Variants in BSG observed in about 807,000 individuals in gnomAD.
BSG encodes basigin (Ok blood group).
A neutral mutation model predicts 43.1 loss-of-function variants in BSG; 37 were observed. The observed-to-expected ratio is 0.86, with a 90% confidence interval of 0.66 to 1.13. The LOEUF is 1.13. BSG is among the 50% of genes most tolerant of loss of function. The pLI is 0.00. For synonymous variants in BSG, 309 were observed against 238.7 expected (o/e 1.29, Z -2.72); for missense variants, 599 against 554.2 (o/e 1.08, Z -0.81).
Position 577,395 on chromosome 19 carries a change from G to A in BSG, c.68-379G>A, listed in dbSNP as rs528163900. Among the ~76,000 whole-genome samples, 105 of 152,284 alleles carry A rather than the reference G, an allele frequency of 6.9e-4. 1 individual carries two copies. Among genetic ancestry groups the A allele is most frequent in the African/African-American group, 2.4e-3 (98 of 41,554 alleles). ...GTTTGTTTTTCTCAGCAGCTCACCC[G>A]GGTCTCTGGGGTCAGGGTATCGGGC... On this transcript the variant is annotated intron_variant, in intron 1 of 8. Transcript: ENST00000333511.
At chr19:577,675 C>T (rs752981658) in intron 1 of BSG, 99 bp from the exon 2 acceptor site, 40 of 1,046,928 alleles carry the variant, frequency 3.8e-5, no homozygotes, top group Non-Finnish European at 5.0e-5. Context: ...GCTTCTCCAC[C>T]AGCCCTGGCT....
chr19:574,563 A>C (rs1280382616), intron 1 of BSG, among the ~76,000 whole-genome samples: 1 of 148,610 alleles, frequency 6.7e-6, no homozygotes, highest in African/African-American at 2.5e-5. Context: ...AAAAAAAAAC[A>C]AAAAAAAAAT....
At chr19:580,601 G>A in intron 4 of BSG, 45 bp from the exon 5 acceptor site, 2 of 1,611,210 alleles carry the variant, frequency 1.2e-6, no homozygotes, top group Non-Finnish European at 1.7e-6. Flanking sequence ...CGGGGATGGG[G>A]GCGGGCCTGC....
At position 581,404 on chromosome 19, in the gene BSG, C is replaced by G. The variant is rs13235; in HGVS notation, c.882C>G (p.Ala294=). 3.1e-6 allele frequency: 5 copies of G among 1,612,678 alleles called. No individual in the cohort carries two copies. The East Asian group carries it at 8.9e-5, about 29-fold the overall frequency. The change falls in exon 6 of 9, where the codon GCC becomes GCG. Residue 294 remains alanine, a synonymous_variant. Coordinates refer to ENST00000333511, the MANE Select transcript of BSG (RefSeq NM_001728.4). ...ELHIENLNME[A]DPGQYRCNGT... ...ACATTGAGAACCTGAACATGGAGGC[C>G]GACCCCGGCCAGTACCGGTGCAACG...
chr19:578,340 C>G, intron 2 of BSG: 1 of 457,366 alleles, frequency 2.2e-6, no homozygotes, highest in Non-Finnish European at 3.8e-6. Context: ...AGGCAGGGCT[C>G]TGCCCTCCAG....
chr19:576,667 A>T (rs1981795825), intron 1 of BSG, among the ~76,000 whole-genome samples: 1 of 151,990 alleles, frequency 6.6e-6, no homozygotes, highest in Admixed American at 6.6e-5. Flanking sequence ...AGGCTGAGGC[A>T]GGAGAATTGC....
chr19:572,549 G>A (rs923523257), upstream of BSG: 158 of 1,357,368 alleles, frequency 1.2e-4, 1 homozygote, highest in Middle Eastern at 1.0e-3. Context: ...GCGCGCGCCC[G>A]GTCCGCGCCT....
Position 572,622 on chromosome 19 carries a change from A to G in BSG, c.-13A>G, listed in dbSNP as rs1027191062. Reference sequence around the variant, plus strand: ...GCGGTTGGAGGTTGTAGGACCGGCGAGGAATAGGAATCATGGCGGCTGCGC... The same window carrying G: ...GCGGTTGGAGGTTGTAGGACCGGCGGGGAATAGGAATCATGGCGGCTGCGC... On this transcript the variant is annotated 5_prime_UTR_variant, in exon 1 of 9. Transcript: ENST00000333511. The G allele has an allele frequency of 6.7e-6, 10 of 1,493,558 alleles. No homozygotes were observed. Among genetic ancestry groups the G allele is most frequent in the East Asian group, 2.9e-5 (1 of 34,822 alleles). 92.5% of individuals were successfully genotyped at this position (1,493,558 alleles called of 1,614,324 possible).
At chr19:575,718 T>G (rs1202871426) in intron 1 of BSG, among the ~76,000 whole-genome samples, 3 of 152,062 alleles carry the variant, frequency 2.0e-5, no homozygotes, top group African/African-American at 7.3e-5. Flanking sequence ...GCGGAGGCTG[T>G]TTTTAGATGA....
chr19:582,845 C>G lies in BSG; in HGVS notation c.*101C>G, dbSNP rs750682807. ...CCAAGTTCTCACCTCTTAAAGAAAACCCACCCCGTAGATTCCCATCATACA... is the reference window on the plus strand; with the variant it reads ...CCAAGTTCTCACCTCTTAAAGAAAAGCCACCCCGTAGATTCCCATCATACA... On this transcript the variant is annotated 3_prime_UTR_variant, in exon 9 of 9. Transcript: ENST00000333511. The G allele has an allele frequency of 9.2e-6, 5 of 546,364 alleles. No homozygotes were observed. The highest frequency in any genetic ancestry group is 4.9e-5 in the South Asian group (2 of 41,122). 33.8% of individuals were successfully genotyped at this position (546,364 alleles called of 1,614,324 possible). A position where few individuals can be genotyped will look rare whatever the true frequency, so the allele number is the denominator to read the frequency against.
chr19:574,626 C>CCT (rs1432179668), intron 1 of BSG, among the ~76,000 whole-genome samples: 1 of 152,174 alleles, frequency 6.6e-6, no homozygotes, highest in Non-Finnish European at 1.5e-5. Flanking sequence ...GGTCTGGCCT[C>CCT]CTGAAGGGTC....
At chr19:582,168 TGAG>T in intron 6 of BSG, 135 bp from the exon 7 acceptor site, 1 of 1,111,490 alleles carries the variant, frequency 9.0e-7, no homozygotes, top group Non-Finnish European at 1.3e-6. Flanking sequence ...CCGGGGCTGA[TGAG>T]CTGCCCCGAG....
chr19:580,485 C>T (rs538902991), intron 4 of BSG, 24 bp downstream of exon 4: 66 of 1,608,772 alleles, frequency 4.1e-5, no homozygotes, highest in Non-Finnish European at 5.3e-5. Flanking sequence ...CCAGGGGTAC[C>T]GGGCACCACC....
At chr19:572,846 C>T in intron 1 of BSG, 145 bp downstream of exon 1, 1 of 1,019,378 alleles carries the variant, frequency 9.8e-7, no homozygotes, top group Non-Finnish European at 1.3e-6. Context: ...GCTTCCCGCG[C>T]CAGCATGGAG....
rs1600503447 is a variant in BSG at position 582,868 on chromosome 19, A to G, written c.*124A>G. 3 of 493,516 alleles carry G rather than the reference A, an allele frequency of 6.1e-6. No individual in the cohort carries two copies. Among genetic ancestry groups the G allele is most frequent in the Non-Finnish European group, 1.1e-5 (3 of 278,658 alleles). The allele number at this position is 493,516 out of a possible 1,614,324, so 30.6% of individuals were successfully genotyped here. A position where few individuals can be genotyped will look rare whatever the true frequency, so the allele number is the denominator to read the frequency against. The stretch of plus-strand genomic sequence containing the variant: ...AACCCACCCCGTAGATTCCCATCAT[A>G]CACTTCCTTCTTTTTTAAAAAAGTT... On this transcript the variant is annotated 3_prime_UTR_variant, in exon 9 of 9. Transcript: ENST00000333511.
chr19:578,860 A>G (rs1465586000), intron 2 of BSG: 1 of 368,988 alleles, frequency 2.7e-6, no homozygotes, highest in African/African-American at 2.1e-5. Flanking sequence ...CCTCCTGAGT[A>G]GCTGGGATTA....
At chr19:573,542 C>CT (rs111471493) in intron 1 of BSG, among the ~76,000 whole-genome samples, 27 of 152,306 alleles carry the variant, frequency 1.8e-4, no homozygotes, top group Middle Eastern at 6.8e-3. Context: ...CTCCCAGACT[C>CT]TTAAGACCTC....
upstream of BSG, chr19:571,697 T>C: frequency 5.5e-6 from 4 of 723,238 alleles, no homozygotes; most frequent in South Asian, 2.9e-5. Flanking sequence ...ACCACTTTAC[T>C]TGTACGGAAG....
Position 581,408 on chromosome 19 carries a change from C to A in BSG, c.886C>A (p.Pro296Thr). The change falls in exon 6 of 9, where the codon CCC becomes ACC. Residue 296 changes from proline (P) to threonine (T), a missense_variant. By Grantham distance (38) the Pro-to-Thr change is conservative (BLOSUM62 -1). Transcript: ENST00000333511. Reference sequence around the variant, plus strand: ...TGAGAACCTGAACATGGAGGCCGACCCCGGCCAGTACCGGTGCAACGGCAC... The same window carrying A: ...TGAGAACCTGAACATGGAGGCCGACACCGGCCAGTACCGGTGCAACGGCAC... ...HIENLNMEAD[P>T]GQYRCNGTSS... 1 of 1,612,782 alleles carries A rather than the reference C, an allele frequency of 6.2e-7. No individual in the cohort carries two copies. Among genetic ancestry groups the A allele is most frequent in the Non-Finnish European group, 8.5e-7 (1 of 1,179,936 alleles).
Sources: allele counts gnomAD v4.1 joint callset (sites outside exome capture counted in the v4.1 genomes callset), GRCh38; gene constraint gnomAD v4.1.1; transcripts MANE v1.5; gene names NCBI Gene and HGNC (gene_info 2026-07-23, HGNC 2026-07-21).